Variants in PPP2R2B observed in about 807,000 individuals in gnomAD.
PPP2R2B encodes the protein protein phosphatase 2 regulatory subunit Bbeta.
A neutral mutation model predicts 46.0 loss-of-function variants in PPP2R2B; 5 were observed. The observed-to-expected ratio is 0.11, with a 90% CI of 0.06 to 0.23. The LOEUF is 0.23. PPP2R2B is among the 10% of genes least tolerant of loss of function. PPP2R2B has a pLI of 1.00. For missense variants in PPP2R2B, 367 were observed against 575.0 expected (o/e 0.64, Z 3.70); for synonymous variants, 215 against 206.7 (o/e 1.04, Z -0.34).
At chr5:146,680,029 G>A (rs1778037041) in intron 5 of PPP2R2B, among the ~76,000 whole-genome samples, 1 of 149,596 alleles carries the variant, frequency 6.7e-6, no homozygotes, top group African/African-American at 2.5e-5. Context: ...ATTTGACCCA[G>A]CCATCCCATT....
At chr5:146,965,861 A>C (rs934841476) in intron 1 of PPP2R2B, among the ~76,000 whole-genome samples, 1 of 152,208 alleles carries the variant, frequency 6.6e-6, no homozygotes, top group Non-Finnish European at 1.5e-5. Flanking sequence ...GTTACTTACC[A>C]GCTGTGCATC....
chr5:146,911,447 T>G (rs319168), intron 1 of PPP2R2B, among the ~76,000 whole-genome samples: 75,213 of 151,998 alleles, frequency 0.49, 20,833 homozygotes, highest in African/African-American at 0.73. Context: ...TTGGATTACT[T>G]TCTCTCTATG....
chr5:146,711,184 C>T (rs1056501691), intron 2 of PPP2R2B, among the ~76,000 whole-genome samples: 2 of 152,218 alleles, frequency 1.3e-5, no homozygotes, highest in African/African-American at 4.8e-5. Context: ...CACCACTAAA[C>T]CCTCAGTGCC....
Position 146,589,829 on chromosome 5 carries a change from A to G in PPP2R2B, c.*118T>C. On this transcript the variant is annotated 3_prime_UTR_variant, in exon 10 of 10. Coordinates refer to ENST00000394411, the MANE Select transcript of PPP2R2B (RefSeq NM_181675.4). ...TTGGACTCCTTTTAATTCTATTCCA[A>G]TCATTTCCTGTATAGGGAAATTAAA... 5 of 1,091,814 alleles carry G rather than the reference A, an allele frequency of 4.6e-6. No homozygotes were observed. The highest frequency in any genetic ancestry group is 1.5e-5 in the South Asian group (1 of 65,468). 67.6% of individuals were successfully genotyped at this position (1,091,814 alleles called of 1,614,324 possible).
At chr5:146,808,990 T>TGC (rs1005265283) in intron 2 of PPP2R2B, among the ~76,000 whole-genome samples, 3 of 150,468 alleles carry the variant, frequency 2.0e-5, no homozygotes, top group Non-Finnish European at 4.4e-5. Flanking sequence ...TGTGTGTGTG[T>TGC]GTGTGCGCGC....
chr5:146,706,943 C>T (rs969082425), intron 2 of PPP2R2B: 1 of 1,096,874 alleles, frequency 9.1e-7, no homozygotes, highest in African/African-American at 1.5e-5. Context: ...ATACAGCTGC[C>T]TGAGGAAGTT....
Position 146,725,162 on chromosome 5 carries a change from G to C in PPP2R2B, c.71-24020C>G, listed in dbSNP as rs138170209. 3.3e-5 allele frequency among the ~76,000 whole-genome samples: 5 copies of C among 152,208 alleles called. No homozygotes were observed. The East Asian group carries it at 9.7e-4, about 29-fold the overall frequency. On this transcript the variant is annotated intron_variant, in intron 2 of 9. Transcript: ENST00000394411. ...CTCACTTAGTCATGCCTGGAGCCTG[G>C]AGAGCACACAATTTCAAGAAAACAG...
intron 1 of PPP2R2B, among the ~76,000 whole-genome samples, chr5:146,971,176 A>G (rs1752646147): frequency 6.6e-6 from 1 of 152,184 alleles, no homozygotes; most frequent in Admixed American, 6.5e-5. Context: ...ATTTGGTGAA[A>G]TGTGGTAGGA....
chr5:147,027,575 G>C (rs1462964322), intron 1 of PPP2R2B, among the ~76,000 whole-genome samples: 1 of 149,420 alleles, frequency 6.7e-6, no homozygotes, highest in Admixed American at 6.7e-5. Context: ...AGAGGTTGCA[G>C]TGAGCCAACA....
rs188211358 is a variant in PPP2R2B, at chr5:146,648,066, G to A, written c.625+2481C>T. Among the ~76,000 whole-genome samples, 366 of 152,286 alleles carry A rather than the reference G, an allele frequency of 2.4e-3. 3 individuals carry two copies. The highest frequency in any genetic ancestry group is 2.2e-3 in the Non-Finnish European group (149 of 68,022). Reference sequence around the variant, plus strand: ...GACTAGCTAGCTGTGTACCAAAACCGGGTCTTTTTATCCTGGGCACACAGC... The same window carrying A: ...GACTAGCTAGCTGTGTACCAAAACCAGGTCTTTTTATCCTGGGCACACAGC... On this transcript the variant is annotated intron_variant, in intron 6 of 9. Transcript: ENST00000394411.
intron 2 of PPP2R2B, among the ~76,000 whole-genome samples, chr5:146,741,035 C>A (rs1327014510): frequency 5.3e-4 from 76 of 142,514 alleles, no homozygotes; most frequent in Non-Finnish European, 5.6e-4. Flanking sequence ...GACTCCGTCT[C>A]AAAAAAAAAA....
intron 5 of PPP2R2B, among the ~76,000 whole-genome samples, chr5:146,663,308 T>C (rs1776780573): frequency 6.6e-6 from 1 of 152,156 alleles, no homozygotes; most frequent in Admixed American, 6.5e-5. Flanking sequence ...AAGAAAAATA[T>C]AACATTCTAT....
chr5:147,028,444 C>T (rs1397103061), intron 1 of PPP2R2B, among the ~76,000 whole-genome samples: 1 of 152,014 alleles, frequency 6.6e-6, no homozygotes, highest in Non-Finnish European at 1.5e-5. Flanking sequence ...CAGTCATTCC[C>T]CATTTTATCC....
intron 2 of PPP2R2B, among the ~76,000 whole-genome samples, chr5:146,821,274 C>T (rs373966061): frequency 4.6e-5 from 7 of 152,188 alleles, no homozygotes; most frequent in African/African-American, 1.7e-4. Context: ...TAATACCATA[C>T]TCTTCTCTCC....
chr5:146,688,206 C>G (rs1010101614), intron 5 of PPP2R2B, among the ~76,000 whole-genome samples: 2 of 151,836 alleles, frequency 1.3e-5, no homozygotes, highest in Non-Finnish European at 2.9e-5. Flanking sequence ...AATACAGATA[C>G]TGGTATTTAT....
At chr5:146,811,282 G>A (rs1001834209) in intron 2 of PPP2R2B, among the ~76,000 whole-genome samples, 14 of 152,146 alleles carry the variant, frequency 9.2e-5, no homozygotes, top group Non-Finnish European at 2.1e-4. Context: ...ACAGGCGTGA[G>A]CCACGGCGTC....
chr5:146,939,041 A>G (rs1764244742), intron 1 of PPP2R2B, among the ~76,000 whole-genome samples: 2 of 152,178 alleles, frequency 1.3e-5, no homozygotes, highest in South Asian at 2.1e-4. Context: ...GCCTTTAAGT[A>G]GACAATACAC....
At chr5:146,776,512 C>T (rs1755191532) in intron 2 of PPP2R2B, among the ~76,000 whole-genome samples, 1 of 152,076 alleles carries the variant, frequency 6.6e-6, no homozygotes, top group South Asian at 2.1e-4. Flanking sequence ...AAATAAACTA[C>T]AAACTTCAAT....
chr5:146,742,786 T>A (rs140669568), intron 2 of PPP2R2B, among the ~76,000 whole-genome samples: 181 of 152,208 alleles, frequency 1.2e-3, no homozygotes, highest in South Asian at 4.2e-3. Flanking sequence ...TGGGTCCTAA[T>A]TCAATATGAC....
Sources: gnomAD v4.1 joint callset for allele counts (sites outside exome capture counted in the v4.1 genomes callset) on GRCh38, gnomAD v4.1.1 for gene constraint, MANE v1.5 for transcripts, NCBI Gene and HGNC (gene_info 2026-07-23, HGNC 2026-07-21) for gene names.